The following A2ML1 variants were observed in gnomAD, a reference collection of about 807,000 sequenced individuals.
A2ML1 encodes the protein alpha-2-macroglobulin-like protein 1.
A2ML1 carries 161 observed loss-of-function variants against 181.9 expected under a neutral mutation model. The ratio of observed to expected loss-of-function variants is 0.89; its 90% CI spans 0.78 to 1.01. The LOEUF is 1.01. Ranked by LOEUF, A2ML1 falls within the 50% of genes least tolerant of loss-of-function variation. The pLI is 0.00. For missense variants in A2ML1, 1,670 were observed against 1,768.1 expected (o/e 0.94, Z 1.00); for synonymous variants, 663 against 666.8 (o/e 0.99, Z 0.09).
At chr12:8,854,096 G>A (rs1943979312) in intron 20 of A2ML1, 32 bp from the exon 21 acceptor site, 1 of 1,536,034 alleles carries the variant, frequency 6.5e-7, no homozygotes, top group Non-Finnish European at 8.8e-7. Flanking sequence ...TCTGGCAATA[G>A]GGCTAATGGC....
At chr12:8,868,706 C>A in intron 32 of A2ML1, 79 bp downstream of exon 32, 1 of 1,158,460 alleles carries the variant, frequency 8.6e-7, no homozygotes, top group Non-Finnish European at 1.2e-6. Context: ...GTAAAATGGG[C>A]ATCATGGCGT....
chr12:8,840,906 CAA>C (rs1302515017), intron 10 of A2ML1, among the ~76,000 whole-genome samples: 2 of 93,384 alleles, frequency 2.1e-5, no homozygotes, highest in Non-Finnish European at 2.1e-5. Context: ...GACTCCATCT[CAA>C]AAAAAAAAAG....
At chr12:8,874,753 C>A (rs909260222) in intron 34 of A2ML1, among the ~76,000 whole-genome samples, 1 of 152,120 alleles carries the variant, frequency 6.6e-6, no homozygotes, top group Non-Finnish European at 1.5e-5. Context: ...ACAATGTGAA[C>A]CATTGTTCTC....
In A2ML1 at chr12:8,852,116, A is replaced by T. The variant is rs1943913404; in HGVS notation, c.2464-94A>T. 1.9e-6 allele frequency: 3 copies of T among 1,589,796 alleles called. No individual in the cohort carries two copies. The highest frequency in any genetic ancestry group is 2.6e-6 in the Non-Finnish European group (3 of 1,164,410). ...CATCCCAATTTTCCCTGGGAAAGAG[A>T]GGAGATGTCGGCGTCTCAGCCCCCA... On this transcript the variant is annotated intron_variant, in intron 19 of 35. Coordinates refer to ENST00000299698, the MANE Select transcript of A2ML1 (RefSeq NM_144670.6). The surrounding 1 kb of genome is among the most constrained non-coding windows in gnomAD (Gnocchi z 4.2).
At chr12:8,866,292 A>C (rs940451804) in intron 29 of A2ML1, among the ~76,000 whole-genome samples, 16 of 120,734 alleles carry the variant, frequency 1.3e-4, no homozygotes, top group African/African-American at 4.7e-4. Flanking sequence ...GAGACAGAGC[A>C]AGACTCCATC....
intron 21 of A2ML1, 112 bp from the exon 22 acceptor site, chr12:8,854,668 T>A (rs1944000274): frequency 2.6e-6 from 3 of 1,156,658 alleles, no homozygotes; most frequent in Admixed American, 1.9e-5. Context: ...TTGTCTGCAG[T>A]TCTGAGGGAA....
Position 8,875,016 on chromosome 12 carries a change from A to G in A2ML1, c.*1+4A>G. 1.9e-6 allele frequency: 3 copies of G among 1,614,030 alleles called. No homozygotes were observed. The highest frequency in any genetic ancestry group is 2.5e-6 in the Non-Finnish European group (3 of 1,179,920). ...TATTCTGATCCCTGTGAATGAGGTA[A>G]GTCCAGCGGAGAAATGGGTGGAGTT... On this transcript the variant is annotated splice_donor_region_variant and intron_variant, in intron 35 of 35. Coordinates refer to ENST00000299698, the MANE Select transcript of A2ML1 (RefSeq NM_144670.6).
downstream of A2ML1, chr12:8,880,414 G>A (rs1944859472): frequency 6.6e-6 from 1 of 152,130 alleles, no homozygotes; most frequent in Non-Finnish European, 1.5e-5. Flanking sequence ...AAGTAATTCA[G>A]TGTACTCATG....
chr12:8,886,625 A>C (rs1944923665), exon 8 of A2ML1: 1 of 152,018 alleles, frequency 6.6e-6, no homozygotes, highest in Non-Finnish European at 1.5e-5. Context: ...TTATTCCTTC[A>C]CTTCCTGGGA....
intron 25 of A2ML1, 149 bp from the exon 26 acceptor site, chr12:8,857,797 C>A: frequency 8.4e-7 from 1 of 1,196,856 alleles, no homozygotes; most frequent in Non-Finnish European, 1.2e-6. Flanking sequence ...CTCATTGGTG[C>A]CCATTAATGC....
At chr12:8,855,153 A>G (rs1160825742) in intron 22 of A2ML1, among the ~76,000 whole-genome samples, 1 of 152,162 alleles carries the variant, frequency 6.6e-6, no homozygotes, top group East Asian at 1.9e-4. Flanking sequence ...TTGGCCTCCC[A>G]AAGTGCTGGG....
chr12:8,865,437 G>A (rs1389725596), intron 29 of A2ML1, among the ~76,000 whole-genome samples: 2 of 152,194 alleles, frequency 1.3e-5, no homozygotes, highest in Non-Finnish European at 2.9e-5. Context: ...TACCTGGGAG[G>A]CTGAGGCAGG....
intron 26 of A2ML1, 66 bp from the exon 27 acceptor site, chr12:8,860,815 A>G (rs1944230200): frequency 7.2e-7 from 1 of 1,384,238 alleles, no homozygotes; most frequent in East Asian, 2.3e-5. Context: ...CTGTTTTGCA[A>G]TCTGCACATA....
chr12:8,862,934 A>G (rs1395682585), intron 28 of A2ML1, among the ~76,000 whole-genome samples: 29 of 151,896 alleles, frequency 1.9e-4, no homozygotes, highest in Admixed American at 1.9e-3. Context: ...TTTTTCTTCA[A>G]GTTATCCATT....
At chr12:8,842,668 C>T (rs1943532341) in intron 11 of A2ML1, among the ~76,000 whole-genome samples, 1 of 152,168 alleles carries the variant, frequency 6.6e-6, no homozygotes, top group Admixed American at 6.5e-5. Flanking sequence ...GATCGTTCAA[C>T]CTCAGGACTT....
chr12:8,823,648 G>A, intron 2 of A2ML1, 72 bp from the exon 3 acceptor site: 4 of 1,521,654 alleles, frequency 2.6e-6, no homozygotes, highest in Non-Finnish European at 3.6e-6. Flanking sequence ...TTAACTCACT[G>A]TTGGGTTGAG....
chr12:8,873,863 A>G (rs757116607), intron 33 of A2ML1, among the ~76,000 whole-genome samples: 15 of 152,142 alleles, frequency 9.9e-5, no homozygotes, highest in Non-Finnish European at 1.8e-4. Flanking sequence ...AGGGTGGACC[A>G]TGAACAAAGG....
In A2ML1 at chr12:8,858,032, G is replaced by A; in HGVS notation, c.3194G>A (p.Trp1065Ter). The change falls in exon 26 of 36, where the codon TGG becomes TAG. Residue 1065 changes from tryptophan (W) to a stop codon, truncating the protein, a stop_gained. Transcript: ENST00000299698. LOFTEE classifies it high-confidence loss of function. ...AAGAACATCCAGGATGCTCTCAAGTGGATGGCAGGAAACCAGCTCCCCAGT... is the reference window on the plus strand; with the variant it reads ...AAGAACATCCAGGATGCTCTCAAGTAGATGGCAGGAAACCAGCTCCCCAGT... ...DPKNIQDALK[W>*]MAGNQLPSGC... 1 of 1,614,164 alleles carries A rather than the reference G, an allele frequency of 6.2e-7. No homozygotes were observed. The highest frequency in any genetic ancestry group is 8.5e-7 in the Non-Finnish European group (1 of 1,180,038).
downstream of A2ML1, among the ~76,000 whole-genome samples, chr12:8,877,006 G>A (rs1944816326): frequency 6.6e-6 from 1 of 152,118 alleles, no homozygotes; most frequent in South Asian, 2.1e-4. Flanking sequence ...AACAGTGATG[G>A]ATTACAAGAA....
Sources: allele counts gnomAD v4.1 joint callset (sites outside exome capture counted in the v4.1 genomes callset), GRCh38; gene constraint gnomAD v4.1.1; non-coding constraint Gnocchi (gnomAD v3.1); transcripts MANE v1.5; gene names NCBI Gene and HGNC (gene_info 2026-07-23, HGNC 2026-07-21).